Variants in LRP1B observed in about 807,000 individuals in gnomAD.
LRP1B encodes the protein LDL receptor related protein 1B.
Under a neutral mutation model 556.6 loss-of-function variants are expected in LRP1B, and 217 were observed. That is an observed-to-expected ratio of 0.39 (90% CI 0.35 to 0.44). The LOEUF (loss-of-function observed/expected upper bound fraction) is 0.44, where lower values mean the gene tolerates loss of function less well. LRP1B is among the 20% of genes least tolerant of loss of function. LRP1B has a pLI of 1.00. For missense variants in LRP1B, 5,053 were observed against 5,620.8 expected (o/e 0.90, Z 3.23); for synonymous variants, 2,047 against 1,865.8 (o/e 1.10, Z -2.50).
intron 2 of LRP1B, among the ~76,000 whole-genome samples, chr2:141,690,438 T>C (rs1270626559): frequency 1.5e-5 from 2 of 130,586 alleles, no homozygotes; most frequent in Non-Finnish European, 3.3e-5. Flanking sequence ...TATATATATA[T>C]ATAATTACAA....
chr2:142,077,871 T>A (rs757773242), intron 1 of LRP1B, among the ~76,000 whole-genome samples: 7 of 152,142 alleles, frequency 4.6e-5, no homozygotes, highest in Non-Finnish European at 8.8e-5. Flanking sequence ...ATGGTGAAAC[T>A]AAAATATGTT....
rs116699427 is a variant in LRP1B, at chr2:141,126,715, T to G, written c.1013+61706A>C. 5.6e-3 allele frequency among the ~76,000 whole-genome samples: 855 copies of G among 152,282 alleles called. 17 individuals carry two copies. Among genetic ancestry groups the G allele is most frequent in the African/African-American group, 0.02 (822 of 41,552 alleles). Reference sequence around the variant, plus strand: ...ACTCTTATGGTTACAATCAAAATTCTGTCATTACCAAAATATGTGCTCTCT... The same window carrying G: ...ACTCTTATGGTTACAATCAAAATTCGGTCATTACCAAAATATGTGCTCTCT... On this transcript the variant is annotated intron_variant, in intron 7 of 90. Transcript: ENST00000389484.
intron 1 of LRP1B, among the ~76,000 whole-genome samples, chr2:142,046,011 A>G (rs1056664586): frequency 6.6e-6 from 1 of 151,974 alleles, no homozygotes. Context: ...AATGATTTGC[A>G]TGAATTTCAC....
rs1701337696 is a variant in LRP1B at position 141,959,126 on chromosome 2, C to T, written c.83-148725G>A. On this transcript the variant is annotated intron_variant, in intron 1 of 90. Transcript: ENST00000389484. ...TATCTGCTTGTTTTTCTTAGGACAT[C>T]AGTCTGTCTTTTGAAGCTGGCAAGA... Among the ~76,000 whole-genome samples the T allele has an allele frequency of 2.6e-5, 4 of 151,782 alleles. No homozygotes were observed. The South Asian group carries it at 8.3e-4, about 31-fold the overall frequency.
chr2:141,777,142 A>G (rs1695106273), intron 2 of LRP1B, among the ~76,000 whole-genome samples: 2 of 152,214 alleles, frequency 1.3e-5, no homozygotes, highest in Non-Finnish European at 1.5e-5. Flanking sequence ...ATAAGACATG[A>G]TTGCCATTTA....
chr2:140,793,110 T>C (rs1390574667), intron 32 of LRP1B, among the ~76,000 whole-genome samples: 1 of 152,042 alleles, frequency 6.6e-6, no homozygotes, highest in Non-Finnish European at 1.5e-5. Flanking sequence ...TATATATTTT[T>C]TAAATGACAT....
At chr2:140,824,787 T>C (rs761156954) in intron 31 of LRP1B, among the ~76,000 whole-genome samples, 152 of 152,170 alleles carry the variant, frequency 1.0e-3, no homozygotes, top group Non-Finnish European at 1.8e-3. Flanking sequence ...GGAAATATTC[T>C]TTCTAAATAT....
chr2:140,248,445 C>T (rs892622477), intron 86 of LRP1B, among the ~76,000 whole-genome samples: 7 of 151,554 alleles, frequency 4.6e-5, no homozygotes, highest in Non-Finnish European at 1.0e-4. Context: ...CAGGGCATCA[C>T]TCATACATTA....
Position 140,527,083 on chromosome 2 carries a change from A to C in LRP1B, c.7763-733T>G, listed in dbSNP as rs969207569. On this transcript the variant is annotated intron_variant, in intron 47 of 90. Transcript: ENST00000389484. The stretch of plus-strand genomic sequence containing the variant: ...TTATTGTTATTATAAAAGTCATCCA[A>C]TTCTCTGCTCTACTTAAATGAAAAT... Among the ~76,000 whole-genome samples the C allele has an allele frequency of 5.3e-5, 8 of 152,028 alleles. No homozygotes were observed. In the East Asian group the frequency reaches 1.5e-3, roughly 29 times the overall value.
At chr2:140,417,334 C>A (rs903891676) in intron 66 of LRP1B, among the ~76,000 whole-genome samples, 2 of 152,150 alleles carry the variant, frequency 1.3e-5, no homozygotes, top group African/African-American at 4.8e-5. Flanking sequence ...GAAAAGGCTG[C>A]AGTTGAAAAG....
chr2:140,769,092 T>A (rs762864233), intron 35 of LRP1B, 121 bp downstream of exon 35: 17 of 897,692 alleles, frequency 1.9e-5, no homozygotes, highest in Non-Finnish European at 2.9e-5. Context: ...ATTTATCTAT[T>A]TGCTGCTTTC....
intron 2 of LRP1B, among the ~76,000 whole-genome samples, chr2:141,581,135 T>C (rs185877604): frequency 1.3e-5 from 2 of 152,314 alleles, no homozygotes; most frequent in East Asian, 1.9e-4. Flanking sequence ...GTTTTCCAGG[T>C]TGAAGCACTC....
intron 3 of LRP1B, among the ~76,000 whole-genome samples, chr2:141,466,113 T>C (rs566498453): frequency 6.7e-6 from 1 of 149,064 alleles, no homozygotes; most frequent in Admixed American, 6.7e-5. Context: ...GGTCTTGAAC[T>C]CCTGACCTCA....
chr2:142,002,698 C>T (rs948600147), intron 1 of LRP1B, among the ~76,000 whole-genome samples: 1 of 151,932 alleles, frequency 6.6e-6, no homozygotes, highest in Admixed American at 6.6e-5. Flanking sequence ...AAAAAGTGAG[C>T]GTCAATTGTG....
rs1680796111 is a variant in LRP1B, at chr2:140,238,197, G to A, written c.13515C>T (p.Asn4505=). 4 of 1,605,214 alleles carry A rather than the reference G, an allele frequency of 2.5e-6. No individual in the cohort carries two copies. The highest frequency in any genetic ancestry group is 3.4e-6 in the Non-Finnish European group (4 of 1,174,408). Residue 4505 remains asparagine (N), a synonymous_variant, in exon 89 of 91, where the codon AAC becomes AAT. Coordinates refer to ENST00000389484, the MANE Select transcript of LRP1B (RefSeq NM_018557.3). ...AGCCAGGATCTAAAAGACCTCCATC[G>A]TTGTGATCATGATCTACCTCATACA... ...YNMYEVDHDH[N]DGGLLDPGFM...
intron 2 of LRP1B, among the ~76,000 whole-genome samples, chr2:141,624,915 G>T (rs113349203): frequency 1.3e-5 from 2 of 151,916 alleles, no homozygotes; most frequent in Admixed American, 1.3e-4. Flanking sequence ...GACTACAGGC[G>T]CCCGCCACCA....
At chr2:141,367,021 G>C (rs1176565326) in intron 3 of LRP1B, among the ~76,000 whole-genome samples, 1 of 152,198 alleles carries the variant, frequency 6.6e-6, no homozygotes, top group Non-Finnish European at 1.5e-5. Flanking sequence ...GTTGTTATGT[G>C]ATTATGGACT....
At chr2:140,265,982 A>T (rs1000761461) in intron 86 of LRP1B, among the ~76,000 whole-genome samples, 2 of 152,018 alleles carry the variant, frequency 1.3e-5, no homozygotes. Context: ...TATTCTGGAA[A>T]CTTCAAATCT....
In LRP1B at chr2:140,636,922, T is replaced by A. The variant is rs557722368; in HGVS notation, c.6800-35283A>T. On this transcript the variant is annotated intron_variant, in intron 41 of 90. Transcript: ENST00000389484. Reference sequence around the variant, plus strand: ...GTAGCTGTGATGTTGCTTGCTGAAGTCTAAAGCCACCAGATTGAGAAGATG... The same window carrying A: ...GTAGCTGTGATGTTGCTTGCTGAAGACTAAAGCCACCAGATTGAGAAGATG... Among the ~76,000 whole-genome samples the A allele has an allele frequency of 2.6e-5, 4 of 152,260 alleles. No individual in the cohort carries two copies. In the South Asian group the frequency reaches 6.2e-4, roughly 24 times the overall value.
Sources: allele counts gnomAD v4.1 joint callset (sites outside exome capture counted in the v4.1 genomes callset), GRCh38; gene constraint gnomAD v4.1.1; transcripts MANE v1.5; gene names NCBI Gene and HGNC (gene_info 2026-07-23, HGNC 2026-07-21).